Variants in PHLDB2 observed in about 807,000 individuals in gnomAD.
PHLDB2 encodes pleckstrin homology-like domain family B member 2.
A neutral mutation model predicts 123.6 loss-of-function variants in PHLDB2; 71 were observed. That is an observed-to-expected ratio of 0.57 (90% CI 0.47 to 0.70). PHLDB2 has a LOEUF of 0.70. Ranked by LOEUF, PHLDB2 falls within the 30% of genes least tolerant of loss-of-function variation. PHLDB2 has a pLI of 0.00. For missense variants in PHLDB2, 1,446 were observed against 1,519.5 expected (o/e 0.95, Z 0.80); for synonymous variants, 547 against 541.6 (o/e 1.01, Z -0.14).
At chr3:111,868,635 A>ATG (rs60181931) in intron 1 of PHLDB2, among the ~76,000 whole-genome samples, 3,238 of 149,460 alleles carry the variant, frequency 0.022, 45 homozygotes, top group Admixed American at 0.029. Flanking sequence ...ATATATATAT[A>ATG]TGTGTGTGTA....
At chr3:111,805,068 T>A (rs867874532) in intron 1 of PHLDB2, among the ~76,000 whole-genome samples, 1 of 151,978 alleles carries the variant, frequency 6.6e-6, no homozygotes, top group Middle Eastern at 3.2e-3. Context: ...GGAGAACAGT[T>A]TGACAATTTC....
At chr3:111,781,846 C>G (rs2060487913) in intron 1 of PHLDB2, among the ~76,000 whole-genome samples, 1 of 152,016 alleles carries the variant, frequency 6.6e-6, no homozygotes, top group South Asian at 2.1e-4. Context: ...AAGATTTTCT[C>G]AAGTGGTTCC....
Position 111,885,283 on chromosome 3 carries a change from A to G in PHLDB2, c.1206A>G (p.Ser402=). The G allele has an allele frequency of 6.2e-7, 1 of 1,614,208 alleles. No individual in the cohort carries two copies. The highest frequency in any genetic ancestry group is 8.5e-7 in the Non-Finnish European group (1 of 1,180,026). ...EADLESLRQA[S]GTPQPALRER... is the part of the protein sequence containing the mutation. ...ATTTGGAAAGCCTCAGACAGGCCTC[A>G]GGAACCCCCCAGCCTGCCCTTCGGG... The change falls in exon 2 of 18, where the codon TCA becomes TCG. Residue 402 remains serine, a synonymous_variant. Coordinates refer to ENST00000431670, the MANE Select transcript of PHLDB2 (RefSeq NM_001134438.2).
At chr3:111,919,802 C>A (rs911938991) in intron 4 of PHLDB2, among the ~76,000 whole-genome samples, 4 of 152,164 alleles carry the variant, frequency 2.6e-5, no homozygotes, top group Non-Finnish European at 5.9e-5. Flanking sequence ...CAGATGATAC[C>A]AATAGGCCCT....
chr3:111,880,427 T>C (rs1417213819), intron 1 of PHLDB2, among the ~76,000 whole-genome samples: 1 of 152,192 alleles, frequency 6.6e-6, no homozygotes, highest in African/African-American at 2.4e-5. Flanking sequence ...ACTGGCAAAG[T>C]ACTTCCTGAC....
intron 1 of PHLDB2, among the ~76,000 whole-genome samples, chr3:111,868,008 T>C (rs923209887): frequency 1.3e-5 from 2 of 151,650 alleles, no homozygotes; most frequent in Non-Finnish European, 2.9e-5. Flanking sequence ...GCTCATACTT[T>C]TAAAAAAAAA....
chr3:111,887,365 C>A (rs1339114162), intron 2 of PHLDB2, among the ~76,000 whole-genome samples: 1 of 152,150 alleles, frequency 6.6e-6, no homozygotes, highest in Non-Finnish European at 1.5e-5. Context: ...ATTTGACACT[C>A]TAGACTTGAT....
rs58183787 is a variant in PHLDB2 at position 111,898,182 on chromosome 3, TTG to T, written c.1335+12794_1335+12795del. 2.0e-4 allele frequency among the ~76,000 whole-genome samples: 28 copies of T among 142,642 alleles called. No homozygotes were observed. In the South Asian group the frequency reaches 3.3e-3, roughly 17 times the overall value. The allele number at this position is 142,642 out of a possible 152,430, so 93.6% of individuals were successfully genotyped here. On this transcript the variant is annotated intron_variant, in intron 2 of 17. Coordinates refer to ENST00000431670, the MANE Select transcript of PHLDB2 (RefSeq NM_001134438.2). Reference sequence around the variant, plus strand: ...TTTCTTTGTGTGTGTGTGTGTGTGTTTGTGTGTGTGTGTGTGTGTGTGTGTCT... The same window carrying T: ...TTTCTTTGTGTGTGTGTGTGTGTGTTTGTGTGTGTGTGTGTGTGTGTGTCT...
intron 2 of PHLDB2, among the ~76,000 whole-genome samples, chr3:111,900,093 C>A (rs2067104252): frequency 6.6e-6 from 1 of 152,208 alleles, no homozygotes. Context: ...GCTTCTTCAC[C>A]TCATTTAGCC....
At chr3:111,855,094 G>C (rs2108621135), upstream of PHLDB2, among the ~76,000 whole-genome samples, 1 of 152,012 alleles carries the variant, frequency 6.6e-6, no homozygotes, top group Admixed American at 6.6e-5. Context: ...CATGGAATTA[G>C]GGTAAAAAGA....
At chr3:111,795,927 C>T (rs955928234) in intron 1 of PHLDB2, among the ~76,000 whole-genome samples, 7 of 151,980 alleles carry the variant, frequency 4.6e-5, no homozygotes, top group African/African-American at 1.7e-4. Context: ...TTTTGAGTCT[C>T]ACTCTGTTGC....
chr3:111,826,209 TGAGGCAGGA>T (rs2062646879), intron 1 of PHLDB2, among the ~76,000 whole-genome samples: 1 of 152,038 alleles, frequency 6.6e-6, no homozygotes, highest in Admixed American at 6.6e-5. Flanking sequence ...CTAGGGAGGC[TGAGGCAGGA>T]GAATTGCTTG....
At chr3:111,851,650 AT>A (rs1419985132) in intron 2 of PHLDB2, among the ~76,000 whole-genome samples, 1 of 152,132 alleles carries the variant, frequency 6.6e-6, no homozygotes, top group Non-Finnish European at 1.5e-5. Flanking sequence ...CCCTATGCCT[AT>A]ATAATCATGT....
chr3:111,811,943 G>C (rs1187367636), intron 1 of PHLDB2, among the ~76,000 whole-genome samples: 1 of 152,102 alleles, frequency 6.6e-6, no homozygotes, highest in East Asian at 1.9e-4. Flanking sequence ...CCTTAACTGT[G>C]CATGTTCAAA....
intron 1 of PHLDB2, among the ~76,000 whole-genome samples, chr3:111,807,677 C>G (rs890165146): frequency 2.0e-5 from 3 of 152,064 alleles, no homozygotes; most frequent in African/African-American, 7.2e-5. Flanking sequence ...AAGGATTGCT[C>G]AAGCCTAGGA....
intron 1 of PHLDB2, among the ~76,000 whole-genome samples, chr3:111,883,517 G>A (rs1490258954): frequency 6.6e-6 from 1 of 152,192 alleles, no homozygotes; most frequent in Admixed American, 6.5e-5. Context: ...TTTTTGTTGA[G>A]AAGGTAACTC....
chr3:111,732,636 A>G, exon 1 of PHLDB2: 1 of 1,535,942 alleles, frequency 6.5e-7, no homozygotes. Context: ...TGGAACAGCC[A>G]TGGGCCATCC....
chr3:111,972,563 C>G (rs951271397), intron 16 of PHLDB2, among the ~76,000 whole-genome samples: 1 of 152,096 alleles, frequency 6.6e-6, no homozygotes, highest in African/African-American at 2.4e-5. Flanking sequence ...CATATTTTCT[C>G]TATTCACTTC....
chr3:111,743,229 T>C (rs1576492103), intron 1 of PHLDB2, among the ~76,000 whole-genome samples: 1 of 152,174 alleles, frequency 6.6e-6, no homozygotes, highest in South Asian at 2.1e-4. Context: ...GCTAAGGAAG[T>C]TTCGATCCCT....
Sources: allele counts gnomAD v4.1 joint callset (sites outside exome capture counted in the v4.1 genomes callset), GRCh38; gene constraint gnomAD v4.1.1; transcripts MANE v1.5; gene names NCBI Gene and HGNC (gene_info 2026-07-23, HGNC 2026-07-21).